The following RGS7 variants were observed in gnomAD, a reference collection of about 807,000 sequenced individuals.
RGS7 encodes the protein regulator of G-protein signaling 7.
RGS7 carries 27 observed loss-of-function variants against 81.1 expected under a neutral mutation model. The observed-to-expected ratio is 0.33, with a 90% confidence interval of 0.25 to 0.46. RGS7 has a LOEUF of 0.46. Among genes scored for constraint, RGS7 ranks in the 20% least tolerant of loss-of-function variants. The probability of loss-of-function intolerance (pLI) is 1.00; values close to 1 mark genes in which losing one functional copy is unlikely to be tolerated. For synonymous variants in RGS7, 208 were observed against 207.7 expected (o/e 1.00, Z -0.01); for missense variants, 396 against 607.4 (o/e 0.65, Z 3.66).
At chr1:240,856,745 T>C (rs3011431) in intron 9 of RGS7, among the ~76,000 whole-genome samples, 123,052 of 152,130 alleles carry the variant, frequency 0.81, 50,513 homozygotes, top group African/African-American at 0.96. Context: ...AGAAATATTT[T>C]GCATGTATCA....
At chr1:241,268,325 C>T (rs1340085884) in intron 2 of RGS7, among the ~76,000 whole-genome samples, 3 of 152,302 alleles carry the variant, frequency 2.0e-5, no homozygotes, top group East Asian at 1.9e-4. Flanking sequence ...TTCTCAACCT[C>T]GGCACTATTG....
intron 2 of RGS7, among the ~76,000 whole-genome samples, chr1:241,149,366 G>A (rs931600808): frequency 2.0e-5 from 3 of 151,958 alleles, no homozygotes; most frequent in Admixed American, 6.6e-5. Context: ...TTGTAGAGAC[G>A]GGCTGGTCTC....
chr1:241,027,991 G>A (rs2059877942), intron 3 of RGS7, among the ~76,000 whole-genome samples: 1 of 152,134 alleles, frequency 6.6e-6, no homozygotes, highest in South Asian at 2.1e-4. Flanking sequence ...TAAGATGAGA[G>A]GAAATAGCTT....
At chr1:241,110,984 C>G (rs2102950376) in intron 2 of RGS7, among the ~76,000 whole-genome samples, 1 of 152,208 alleles carries the variant, frequency 6.6e-6, no homozygotes, top group South Asian at 2.1e-4. Context: ...CGTGCTTGGC[C>G]AAGCTTGCCA....
At chr1:241,085,788 G>A (rs2063401345) in intron 3 of RGS7, among the ~76,000 whole-genome samples, 1 of 152,166 alleles carries the variant, frequency 6.6e-6, no homozygotes, top group East Asian at 1.9e-4. Context: ...AGGCAGAGTG[G>A]TGGAAGGTTT....
intron 3 of RGS7, among the ~76,000 whole-genome samples, chr1:241,032,728 T>C (rs991107240): frequency 1.3e-5 from 2 of 152,342 alleles, no homozygotes; most frequent in African/African-American, 2.4e-5. Context: ...TCCTATTTAT[T>C]TTATTTTGTA....
intron 2 of RGS7, among the ~76,000 whole-genome samples, chr1:241,328,468 T>C (rs1013457358): frequency 5.9e-5 from 9 of 152,210 alleles, no homozygotes; most frequent in Non-Finnish European, 1.0e-4. Flanking sequence ...ATGGGATTCA[T>C]ATCTGTCCTA....
At chr1:240,910,119 G>A (rs16848872) in intron 6 of RGS7, among the ~76,000 whole-genome samples, 5,122 of 152,032 alleles carry the variant, frequency 0.034, 296 homozygotes, top group African/African-American at 0.12. Flanking sequence ...AACATATTTC[G>A]AACATTTTTT....
intron 2 of RGS7, among the ~76,000 whole-genome samples, chr1:241,123,946 C>T (rs10926415): frequency 1.3e-5 from 2 of 151,850 alleles, no homozygotes; most frequent in Non-Finnish European, 2.9e-5. Context: ...TTCCCTTTGG[C>T]GAAAGTTTGA....
chr1:241,336,575 C>T (rs2082258672), intron 2 of RGS7, among the ~76,000 whole-genome samples: 2 of 152,168 alleles, frequency 1.3e-5, no homozygotes, highest in Non-Finnish European at 2.9e-5. Flanking sequence ...CTCATGCTTC[C>T]TCCTTCGGCT....
chr1:241,095,519 G>A (rs928898174), intron 3 of RGS7, among the ~76,000 whole-genome samples: 1 of 152,116 alleles, frequency 6.6e-6, no homozygotes, highest in Admixed American at 6.6e-5. Context: ...ACCAGGCATG[G>A]TGGCAGGTGC....
intron 10 of RGS7, among the ~76,000 whole-genome samples, chr1:240,821,882 G>C (rs1440557555): frequency 6.6e-6 from 1 of 152,162 alleles, no homozygotes; most frequent in Non-Finnish European, 1.5e-5. Context: ...CCCAAAGTGT[G>C]GGTCCAATCA....
intron 2 of RGS7, among the ~76,000 whole-genome samples, chr1:241,258,042 TCA>T (rs1218197988): frequency 2.6e-5 from 4 of 152,158 alleles, no homozygotes; most frequent in Non-Finnish European, 5.9e-5. Context: ...CCTGAAAACC[TCA>T]GAGTAAAGAA....
At chr1:241,181,313 G>C (rs560605909) in intron 2 of RGS7, among the ~76,000 whole-genome samples, 2 of 152,050 alleles carry the variant, frequency 1.3e-5, no homozygotes, top group Non-Finnish European at 2.9e-5. Context: ...ACGGATACGG[G>C]GTATAGGAGA....
chr1:241,155,185 T>C (rs1406689861), intron 2 of RGS7, among the ~76,000 whole-genome samples: 1 of 152,210 alleles, frequency 6.6e-6, no homozygotes, highest in Admixed American at 6.5e-5. Flanking sequence ...AGTGGCAACC[T>C]CTGCCTCCCA....
intron 3 of RGS7, among the ~76,000 whole-genome samples, chr1:241,045,008 G>GC (rs2060841881): frequency 6.6e-6 from 1 of 152,180 alleles, no homozygotes; most frequent in East Asian, 1.9e-4. Context: ...TGTACTTCGA[G>GC]TTTCTAAAGA....
In RGS7 at chr1:241,159,371, T is replaced by C. The variant is rs551776916; in HGVS notation, c.79-60609A>G. On this transcript the variant is annotated intron_variant, in intron 2 of 18. Coordinates refer to ENST00000440928, the MANE Select transcript of RGS7 (RefSeq NM_001364886.1). ...ATTATCTCCATGTCCCTTTTATGTGTTGTTCTTTCTACAAAGAAACCCCTT... is the reference window on the plus strand; with the variant it reads ...ATTATCTCCATGTCCCTTTTATGTGCTGTTCTTTCTACAAAGAAACCCCTT... Among the ~76,000 whole-genome samples the C allele has an allele frequency of 4.6e-5, 7 of 152,346 alleles. No homozygotes were observed. In the East Asian group the frequency reaches 1.4e-3, roughly 29 times the overall value.
intron 2 of RGS7, among the ~76,000 whole-genome samples, chr1:241,306,752 C>T (rs1008640343): frequency 9.2e-5 from 14 of 152,054 alleles, no homozygotes; most frequent in African/African-American, 3.4e-4. Flanking sequence ...CCCACACTCG[C>T]ACACATACGC....
At chr1:241,287,834 A>G (rs984161238) in intron 2 of RGS7, among the ~76,000 whole-genome samples, 2 of 152,210 alleles carry the variant, frequency 1.3e-5, no homozygotes, top group Non-Finnish European at 2.9e-5. Context: ...TTCTAAAGCA[A>G]ATAACTGTCA....
Sources: gnomAD v4.1 joint callset for allele counts (sites outside exome capture counted in the v4.1 genomes callset) on GRCh38, gnomAD v4.1.1 for gene constraint, MANE v1.5 for transcripts, NCBI Gene and HGNC (gene_info 2026-07-23, HGNC 2026-07-21) for gene names.